FARP1: variants seen among roughly 807,000 people sequenced by gnomAD.
The protein encoded by FARP1 is FERM, ARH/RhoGEF and pleckstrin domain protein 1, also known as FERM, ARHGEF and pleckstrin domain-containing protein 1.
In FARP1, 52 loss-of-function variants were observed where a neutral mutation model predicts 128.8. The observed-to-expected ratio is 0.40, with a 90% CI of 0.32 to 0.51. The LOEUF (loss-of-function observed/expected upper bound fraction) is 0.51. Among genes scored for constraint, FARP1 ranks in the 20% least tolerant of loss-of-function variants. The probability of loss-of-function intolerance (pLI) is 0.45; values close to 1 mark genes in which losing one functional copy is unlikely to be tolerated. For synonymous variants in FARP1, 580 were observed against 551.8 expected, an observed-to-expected ratio of 1.05 and a Z score of -0.72; for missense variants, 1,333 against 1,367.9, an observed-to-expected ratio of 0.97 and a Z score of 0.40.
intron 1 of FARP1, among the ~76,000 whole-genome samples, chr13:98,199,036 A>C (rs1879766614): frequency 7.3e-6 from 1 of 137,018 alleles, no homozygotes; most frequent in Admixed American, 7.6e-5. Context: ...TATTTCAGGC[A>C]GACCAAAAGC....
In FARP1 at chr13:98,446,661, TCCAGGACAATCATCCCCTTG is replaced by T; in HGVS notation, c.2905_2924del (p.Asp969ProfsTer13). 1 of 1,613,970 alleles carries T rather than the reference TCCAGGACAATCATCCCCTTG, an allele frequency of 6.2e-7. No homozygotes were observed. Among genetic ancestry groups the T allele is most frequent in the Non-Finnish European group, 8.5e-7 (1 of 1,179,944 alleles). On this transcript the variant is annotated splice_acceptor_variant and splice_polypyrimidine_tract_variant and coding_sequence_variant and intron_variant, in exon 26 of 27. Coordinates refer to ENST00000319562, the MANE Select transcript of FARP1 (RefSeq NM_005766.4). LOFTEE classifies it high-confidence loss of function. ...AAGCCACTTTGCTTTGTTTCCCCTT[TCCAGGACAATCATCCCCTTG>T]CCAGCCTGCCTCTGCTCGGCTACTC...
At chr13:98,245,833 A>G (rs1409127771) in intron 2 of FARP1, among the ~76,000 whole-genome samples, 1 of 151,928 alleles carries the variant, frequency 6.6e-6, no homozygotes, top group African/African-American at 2.4e-5. Context: ...CAGTGGTGCG[A>G]TCTCGGCTCA....
chr13:98,148,394 A>G (rs1203854158), intron 1 of FARP1, among the ~76,000 whole-genome samples: 3 of 152,144 alleles, frequency 2.0e-5, no homozygotes, highest in Non-Finnish European at 4.4e-5. Context: ...AACACAAGAC[A>G]ATAAAAGCAT....
intron 2 of FARP1, among the ~76,000 whole-genome samples, chr13:98,278,367 T>C (rs1010655174): frequency 1.3e-5 from 2 of 152,110 alleles, no homozygotes; most frequent in Admixed American, 6.6e-5. Flanking sequence ...ATATTGTGTT[T>C]AAGTGCGTGT....
At chr13:98,430,929 C>A in intron 17 of FARP1, 114 bp from the exon 18 acceptor site, 1 of 677,188 alleles carries the variant, frequency 1.5e-6, no homozygotes, top group Non-Finnish European at 2.6e-6. Context: ...GGAAATTAAA[C>A]AAATCGTGAA....
intron 2 of FARP1, among the ~76,000 whole-genome samples, chr13:98,287,420 G>A (rs141528050): frequency 0.033 from 4,924 of 151,318 alleles, 128 homozygotes; most frequent in Middle Eastern, 0.11. Flanking sequence ...TAGTAGAGAC[G>A]GGGTTTCACC....
intron 16 of FARP1, among the ~76,000 whole-genome samples, chr13:98,415,304 C>A (rs1042277558): frequency 1.3e-5 from 2 of 152,216 alleles, no homozygotes; most frequent in African/African-American, 4.8e-5. Flanking sequence ...GTGATGAATA[C>A]CTTTTCTGCA....
intron 2 of FARP1, chr13:98,338,490 C>T (rs1316473952): frequency 2.0e-5 from 3 of 152,238 alleles, no homozygotes; most frequent in Non-Finnish European, 2.9e-5. Context: ...GTTCCTGAAT[C>T]TCCTTTCTTT....
intron 2 of FARP1, among the ~76,000 whole-genome samples, chr13:98,262,013 GC>G (rs1282429598): frequency 1.7e-5 from 1 of 59,096 alleles, no homozygotes; most frequent in Non-Finnish European, 3.5e-5. Context: ...GCCCACCCCC[GC>G]CCCCCCAACT....
Position 98,256,956 on chromosome 13 carries a change from T to G in FARP1, c.171+43543T>G, listed in dbSNP as rs1379123870. The stretch of plus-strand genomic sequence containing the variant: ...TTCAAAGTATATATGTGGATATATA[T>G]ATATATATATATATATATATATATA... On this transcript the variant is annotated intron_variant, in intron 2 of 26. Transcript: ENST00000319562. Among the ~76,000 whole-genome samples, 20 of 74,914 alleles carry G rather than the reference T, an allele frequency of 2.7e-4. 1 individual carries two copies. In the East Asian group the frequency reaches 6.2e-3, roughly 23 times the overall value. The allele number at this position is 74,914 out of a possible 152,430, so 49.1% of individuals were successfully genotyped here. A position where few individuals can be genotyped will look rare whatever the true frequency, so the allele number is the denominator to read the frequency against.
chr13:98,280,091 GC>G (rs1884858154), intron 2 of FARP1, among the ~76,000 whole-genome samples: 1 of 152,040 alleles, frequency 6.6e-6, no homozygotes, highest in Non-Finnish European at 1.5e-5. Flanking sequence ...TTTCCTCTCT[GC>G]CTGCAGTGCC....
At chr13:98,236,359 A>G (rs1245143155) in intron 2 of FARP1, among the ~76,000 whole-genome samples, 1 of 152,226 alleles carries the variant, frequency 6.6e-6, no homozygotes, top group Non-Finnish European at 1.5e-5. Flanking sequence ...GTAAGGCCAT[A>G]AATCTAGTAA....
intron 3 of FARP1, among the ~76,000 whole-genome samples, chr13:98,356,071 T>C (rs907829789): frequency 6.6e-6 from 1 of 152,244 alleles, no homozygotes; most frequent in African/African-American, 2.4e-5. Flanking sequence ...AAAGACTGTA[T>C]GTTCTGTGTT....
intron 5 of FARP1, among the ~76,000 whole-genome samples, chr13:98,376,889 T>A (rs1277293275): frequency 6.6e-6 from 1 of 152,076 alleles, no homozygotes. Flanking sequence ...TGATCAGTGA[T>A]GTTGAGCATC....
At chr13:98,185,355 G>GAAGC (rs1354137284) in intron 1 of FARP1, among the ~76,000 whole-genome samples, 216 of 152,306 alleles carry the variant, frequency 1.4e-3, no homozygotes, top group Non-Finnish European at 2.4e-4. Context: ...TCAAGAAAGT[G>GAAGC]AAGCATGCAG....
intron 25 of FARP1, 188 bp from the exon 26 acceptor site, chr13:98,446,478 T>A (rs1257927146): frequency 1.6e-6 from 1 of 633,016 alleles, no homozygotes; most frequent in African/African-American, 1.9e-5. Context: ...TACAGCTCAG[T>A]CCTGGCGGGA....
chr13:98,286,214 C>T (rs1350241116), intron 2 of FARP1, among the ~76,000 whole-genome samples: 2 of 152,128 alleles, frequency 1.3e-5, no homozygotes, highest in Admixed American at 6.6e-5. Flanking sequence ...TCCTGCGTCT[C>T]GTTATCTGCC....
chr13:98,428,212 A>G (rs1891860133), intron 17 of FARP1, among the ~76,000 whole-genome samples: 1 of 152,130 alleles, frequency 6.6e-6, no homozygotes, highest in Admixed American at 6.6e-5. Context: ...CCAAATCAGG[A>G]TCTCCAGCCC....
chr13:98,209,472 ATTT>A (rs534634730), intron 1 of FARP1, among the ~76,000 whole-genome samples: 20,889 of 106,410 alleles, frequency 0.2, 2,103 homozygotes, highest in Middle Eastern at 0.27. Context: ...GGGAGGAAAG[ATTT>A]TTTTTTTTTT....
Sources: allele counts gnomAD v4.1 joint callset (sites outside exome capture counted in the v4.1 genomes callset), GRCh38; gene constraint gnomAD v4.1.1; transcripts MANE v1.5; gene names NCBI Gene and HGNC (gene_info 2026-07-23, HGNC 2026-07-21).